PLD1: variants seen among roughly 807,000 people sequenced by gnomAD.
PLD1 encodes phospholipase D1, also known as choline phosphatase 1.
Under a neutral mutation model 137.1 loss-of-function variants are expected in PLD1, and 112 were observed. The observed-to-expected ratio is 0.82, with a 90% CI of 0.70 to 0.96. The LOEUF is 0.96. Among genes scored for constraint, PLD1 ranks in the 40% least tolerant of loss-of-function variants. The pLI, the probability that PLD1 is intolerant of heterozygous loss-of-function variation, is 0.00. For synonymous variants in PLD1, 431 were observed against 454.7 expected (o/e 0.95, Z 0.66); for missense variants, 1,321 against 1,342.0 (o/e 0.98, Z 0.24).
chr3:171,787,115 C>G (rs1245322447), intron 1 of PLD1, among the ~76,000 whole-genome samples: 1 of 152,170 alleles, frequency 6.6e-6, no homozygotes, highest in Non-Finnish European at 1.5e-5. Flanking sequence ...CAAACATGGT[C>G]CCTGCCCTGG....
Position 171,676,753 on chromosome 3 carries a change from C to T in PLD1, c.2077G>A (p.Val693Met), listed in dbSNP as rs1367416862. The T allele has an allele frequency of 6.2e-7, 1 of 1,614,098 alleles. No homozygotes were observed. Among genetic ancestry groups the T allele is most frequent in the Admixed American group, 1.7e-5 (1 of 60,010 alleles). ...CAGCGCTGGATGAAGTGACGTGCCA[C>T]ATCACGAGCCGCCTTCCCGTGGACT... Reference protein sequence around the residue: ...SAVHGKAARDVARHFIQRWNF... With the variant: ...SAVHGKAARDMARHFIQRWNF... Residue 693 changes from valine (V) to methionine (M), a missense_variant, in exon 18 of 27, where the codon GTG becomes ATG. By Grantham distance (21) the Val-to-Met change is conservative (BLOSUM62 1). Transcript: ENST00000351298.
chr3:171,713,847 T>G, intron 9 of PLD1, 46 bp downstream of exon 9: 1 of 1,509,794 alleles, frequency 6.6e-7, no homozygotes, highest in Non-Finnish European at 9.1e-7. Context: ...AAAATGTTTT[T>G]AAGGCATTTT....
At chr3:171,682,112 G>T (rs1200911430) in intron 16 of PLD1, among the ~76,000 whole-genome samples, 1 of 42,414 alleles carries the variant, frequency 2.4e-5, no homozygotes, top group African/African-American at 1.3e-4. Flanking sequence ...GAAAGAAAAA[G>T]AAAGAAAGAA....
At position 171,793,612 on chromosome 3, in the gene PLD1, G is replaced by C. The variant is rs556969791; in HGVS notation, c.-32+16787C>G. 4 of 152,180 alleles carry C rather than the reference G, an allele frequency of 2.6e-5. No individual in the cohort carries two copies. In the South Asian group the frequency reaches 8.3e-4, roughly 32 times the overall value. 9.4% of individuals were successfully genotyped at this position (152,180 alleles called of 1,614,324 possible). A position where few individuals can be genotyped will look rare whatever the true frequency, so the allele number is the denominator to read the frequency against. On this transcript the variant is annotated intron_variant, in intron 1 of 26. Coordinates refer to ENST00000351298, the MANE Select transcript of PLD1 (RefSeq NM_002662.5). ...ATTATTAAGTAAAATACAGTTACTT[G>C]AACATAAGCCCTATGATACTGATAA...
intron 16 of PLD1, among the ~76,000 whole-genome samples, chr3:171,685,458 G>A (rs1714451087): frequency 6.6e-6 from 1 of 152,096 alleles, no homozygotes; most frequent in Non-Finnish European, 1.5e-5. Flanking sequence ...TTAATTATGG[G>A]CACTGGGAGG....
intron 12 of PLD1, among the ~76,000 whole-genome samples, chr3:171,697,592 C>T (rs1038623994): frequency 2.6e-5 from 4 of 152,154 alleles, no homozygotes; most frequent in Non-Finnish European, 2.9e-5. Context: ...AGCTTAATCC[C>T]CCATCCGGCT....
intron 11 of PLD1, among the ~76,000 whole-genome samples, chr3:171,704,956 A>G (rs1456230420): frequency 6.6e-6 from 1 of 152,132 alleles, no homozygotes; most frequent in African/African-American, 2.4e-5. Flanking sequence ...GTAGTTCACA[A>G]TAGGGTTCAT....
chr3:171,663,110 A>C (rs912318913), intron 19 of PLD1, among the ~76,000 whole-genome samples: 1 of 152,216 alleles, frequency 6.6e-6, no homozygotes, highest in Admixed American at 6.5e-5. Context: ...GGCCAGGGGC[A>C]TACCATCATT....
At chr3:171,658,177 T>A (rs1737370299) in intron 21 of PLD1, among the ~76,000 whole-genome samples, 1 of 152,102 alleles carries the variant, frequency 6.6e-6, no homozygotes, top group South Asian at 2.1e-4. Context: ...TAATAATAAG[T>A]ATTGGCAAAT....
At chr3:171,696,044 A>G (rs1715662515) in intron 12 of PLD1, among the ~76,000 whole-genome samples, 1 of 152,094 alleles carries the variant, frequency 6.6e-6, no homozygotes. Context: ...TATTCCTGTC[A>G]TTTCTCAGTT....
chr3:171,780,229 T>TAC, intron 1 of PLD1, among the ~76,000 whole-genome samples: 1 of 150,804 alleles, frequency 6.6e-6, no homozygotes, highest in East Asian at 1.9e-4. Context: ...GGTTTGGATA[T>TAC]ATAAGTCTGA....
intron 24 of PLD1, among the ~76,000 whole-genome samples, chr3:171,619,003 T>C (rs758139678): frequency 1.3e-5 from 2 of 152,290 alleles, no homozygotes; most frequent in East Asian, 1.9e-4. Flanking sequence ...TTTTCTTTTC[T>C]CAGTGGAGAA....
At chr3:171,633,032 A>T (rs1282405425) in intron 23 of PLD1, among the ~76,000 whole-genome samples, 2 of 152,226 alleles carry the variant, frequency 1.3e-5, no homozygotes. Context: ...CAGTAACATG[A>T]TCTAAAAGAA....
chr3:171,720,008 G>A (rs779867220), intron 8 of PLD1, among the ~76,000 whole-genome samples: 4 of 151,976 alleles, frequency 2.6e-5, no homozygotes, highest in African/African-American at 7.3e-5. Context: ...TAAAATAGTC[G>A]TCTTGGCCAG....
At chr3:171,646,916 T>C (rs1736272888) in intron 21 of PLD1, among the ~76,000 whole-genome samples, 1 of 152,166 alleles carries the variant, frequency 6.6e-6, no homozygotes, top group African/African-American at 2.4e-5. Context: ...GCTTGGCTCA[T>C]CAGCCTTCTG....
At chr3:171,715,525 A>T (rs1717612684) in intron 8 of PLD1, among the ~76,000 whole-genome samples, 1 of 151,748 alleles carries the variant, frequency 6.6e-6, no homozygotes, top group South Asian at 2.1e-4. Flanking sequence ...TAGTATTTTG[A>T]TAGGGTTGCA....
chr3:171,715,803 C>T (rs1268482639), intron 8 of PLD1, among the ~76,000 whole-genome samples: 1 of 151,938 alleles, frequency 6.6e-6, no homozygotes, highest in Non-Finnish European at 1.5e-5. Flanking sequence ...GGTACACATA[C>T]AGGTTTGTTA....
At chr3:171,639,859 T>C (rs1256821325) in intron 23 of PLD1, among the ~76,000 whole-genome samples, 1 of 145,504 alleles carries the variant, frequency 6.9e-6, no homozygotes, top group East Asian at 2.0e-4. Context: ...TATATATATA[T>C]ATATATCTCC....
rs560720993 is a variant in PLD1 at position 171,686,770 on chromosome 3, G to A, written c.1782C>T (p.His594=). 3 of 1,589,028 alleles carry A rather than the reference G, an allele frequency of 1.9e-6. No homozygotes were observed. Among genetic ancestry groups the A allele is most frequent in the African/African-American group, 1.3e-5 (1 of 74,504 alleles). Residue 594 remains histidine, a synonymous_variant, in exon 16 of 27, where the codon CAC becomes CAT. Transcript: ENST00000351298. The part of the protein sequence containing the change: ...SSYFNHYRSH[H]NLIHGLKPHF... ...GGGGTTTTAAACCATGGATTAAATT[G>A]TGATGACTTCTATAGTGATTAAAAT...
Sources: allele counts gnomAD v4.1 joint callset (sites outside exome capture counted in the v4.1 genomes callset), GRCh38; gene constraint gnomAD v4.1.1; transcripts MANE v1.5; gene names NCBI Gene and HGNC (gene_info 2026-07-23, HGNC 2026-07-21).